The following DENND5B variants were observed in gnomAD, a reference collection of about 807,000 sequenced individuals.
DENND5B encodes DENN domain containing 5B.
Under a neutral mutation model 140.6 loss-of-function variants are expected in DENND5B, and 34 were observed. The observed-to-expected ratio is 0.24, with a 90% CI of 0.18 to 0.32. The LOEUF (loss-of-function observed/expected upper bound fraction) is 0.32, where lower values mean the gene tolerates loss of function less well. Among genes scored for constraint, DENND5B ranks in the 10% least tolerant of loss-of-function variants. The probability of loss-of-function intolerance (pLI) is 1.00; values close to 1 mark genes in which losing one functional copy is unlikely to be tolerated. For synonymous variants in DENND5B, 551 were observed against 562.1 expected (o/e 0.98, Z 0.28); for missense variants, 1,142 against 1,560.2 (o/e 0.73, Z 4.52).
At chr12:31,459,141 G>A (rs1002527366) in intron 4 of DENND5B, among the ~76,000 whole-genome samples, 4 of 151,902 alleles carry the variant, frequency 2.6e-5, no homozygotes, top group African/African-American at 9.7e-5. Context: ...AAACCCAGGA[G>A]GCGGTGAGCC....
intron 1 of DENND5B, among the ~76,000 whole-genome samples, chr12:31,517,010 AC>A (rs1454697344): frequency 8.2e-6 from 1 of 122,582 alleles, no homozygotes; most frequent in Middle Eastern, 4.4e-3. Flanking sequence ...GTGTGTAGAT[AC>A]CTTCCCTCCT....
At chr12:31,560,739 T>A (rs1332164259) in intron 1 of DENND5B, among the ~76,000 whole-genome samples, 1 of 152,154 alleles carries the variant, frequency 6.6e-6, no homozygotes, top group Non-Finnish European at 1.5e-5. Flanking sequence ...TATTCATTCC[T>A]CTTGTTCACT....
chr12:31,450,843 T>C (rs1944479934), intron 5 of DENND5B, among the ~76,000 whole-genome samples: 1 of 152,086 alleles, frequency 6.6e-6, no homozygotes, highest in South Asian at 2.1e-4. Flanking sequence ...AACTAAACTG[T>C]ACCCTGGTGA....
chr12:31,462,832 A>T (rs1307881572), intron 3 of DENND5B, among the ~76,000 whole-genome samples: 1 of 152,092 alleles, frequency 6.6e-6, no homozygotes, highest in Non-Finnish European at 1.5e-5. Flanking sequence ...GGTGGCAGGC[A>T]CCTGTAATCC....
intron 7 of DENND5B, among the ~76,000 whole-genome samples, 197 bp downstream of exon 7, chr12:31,442,575 TTTC>T (rs546204749): frequency 3.2e-4 from 49 of 152,274 alleles, no homozygotes; most frequent in South Asian, 2.1e-3. Flanking sequence ...CCTTTGTTTT[TTTC>T]TTTTTTTTTT....
At chr12:31,452,598 A>C (rs1476386660) in intron 4 of DENND5B, 122 bp from the exon 5 acceptor site, 1 of 1,060,314 alleles carries the variant, frequency 9.4e-7, no homozygotes, top group Non-Finnish European at 1.3e-6. Flanking sequence ...CCAAAGCAAA[A>C]GGATCGCTTG....
In DENND5B at chr12:31,547,543, C is replaced by T. The variant is rs570462950; in HGVS notation, c.127+43163G>A. ...CCTCCTGAGTAGCTGGAACTACAGA[C>T]ACATGCCACCAAGCTGGCTAATTTT... is the stretch of plus-strand genomic sequence containing the variant. On this transcript the variant is annotated intron_variant, in intron 1 of 20. Transcript: ENST00000389082. Among the ~76,000 whole-genome samples the T allele has an allele frequency of 1.7e-3, 254 of 152,094 alleles. 3 individuals carry two copies. Among genetic ancestry groups the T allele is most frequent in the African/African-American group, 5.9e-3 (245 of 41,474 alleles).
In DENND5B at chr12:31,387,342, T is replaced by C. The variant is rs929293168; in HGVS notation, c.*261A>G. The C allele has an allele frequency of 7.4e-5, 23 of 309,272 alleles. No individual in the cohort carries two copies. The East Asian group carries it at 1.2e-3, about 17-fold the overall frequency. 19.2% of individuals were successfully genotyped at this position (309,272 alleles called of 1,614,324 possible). On this transcript the variant is annotated 3_prime_UTR_variant, in exon 21 of 21. Transcript: ENST00000389082. Reference sequence around the variant, plus strand: ...GAATATTCAATCTAAGAAAAGCATCTTATTAGAGTAATATAATTTCTTAAA... The same window carrying C: ...GAATATTCAATCTAAGAAAAGCATCCTATTAGAGTAATATAATTTCTTAAA...
chr12:31,470,303 G>T (rs1341333878), intron 3 of DENND5B, among the ~76,000 whole-genome samples: 1 of 151,934 alleles, frequency 6.6e-6, no homozygotes, highest in Non-Finnish European at 1.5e-5. Context: ...TAGTAGAGAT[G>T]AGGTTTCTCC....
chr12:31,569,720 T>C (rs1949752648), intron 1 of DENND5B, among the ~76,000 whole-genome samples: 1 of 151,884 alleles, frequency 6.6e-6, no homozygotes, highest in Admixed American at 6.6e-5. Flanking sequence ...GCTGAGGCAG[T>C]AGGATAGCTT....
intron 5 of DENND5B, among the ~76,000 whole-genome samples, chr12:31,451,039 C>T (rs1790460595): frequency 6.6e-6 from 1 of 152,156 alleles, no homozygotes; most frequent in South Asian, 2.1e-4. Context: ...AGCCATAAAA[C>T]TTAATTTAGT....
At chr12:31,459,828 T>TA (rs1309776264) in intron 4 of DENND5B, among the ~76,000 whole-genome samples, 2 of 152,162 alleles carry the variant, frequency 1.3e-5, no homozygotes, top group Non-Finnish European at 2.9e-5. Flanking sequence ...ATTCAATTGA[T>TA]ACAATGATTT....
intron 1 of DENND5B, among the ~76,000 whole-genome samples, chr12:31,514,621 G>C: frequency 6.6e-6 from 1 of 151,654 alleles, no homozygotes; most frequent in Middle Eastern, 3.3e-3. Context: ...TTTGAGACCA[G>C]CCTGGCCAAC....
chr12:31,388,406 C>T (rs902963589), intron 20 of DENND5B, among the ~76,000 whole-genome samples: 2 of 152,022 alleles, frequency 1.3e-5, no homozygotes, highest in Non-Finnish European at 2.9e-5. Context: ...TTTAAAAGCA[C>T]AGCTAAAACT....
intron 1 of DENND5B, among the ~76,000 whole-genome samples, chr12:31,531,241 C>A (rs1389554077): frequency 6.6e-6 from 1 of 152,020 alleles, no homozygotes; most frequent in African/African-American, 2.4e-5. Flanking sequence ...GCTCTGTCAC[C>A]CAGGCTGGAG....
At chr12:31,414,893 G>T (rs1048333147) in intron 12 of DENND5B, among the ~76,000 whole-genome samples, 1 of 148,594 alleles carries the variant, frequency 6.7e-6, no homozygotes, top group Non-Finnish European at 1.5e-5. Flanking sequence ...CTGCACTCCA[G>T]CCTGGGCAAC....
chr12:31,509,726 A>G (rs1391627267), intron 1 of DENND5B, among the ~76,000 whole-genome samples: 2 of 152,168 alleles, frequency 1.3e-5, no homozygotes, highest in Non-Finnish European at 2.9e-5. Flanking sequence ...ATTATATAGT[A>G]TGTTGGAAGA....
At chr12:31,396,056 GTTTTTT>G (rs34089984) in intron 17 of DENND5B, among the ~76,000 whole-genome samples, 7 of 112,256 alleles carry the variant, frequency 6.2e-5, no homozygotes, top group Admixed American at 1.1e-4. Flanking sequence ...GGCATTCCTT[GTTTTTT>G]TTTTTTTTTT....
chr12:31,537,632 C>T (rs770211726), intron 1 of DENND5B, among the ~76,000 whole-genome samples: 3 of 152,018 alleles, frequency 2.0e-5, no homozygotes, highest in Non-Finnish European at 2.9e-5. Flanking sequence ...AATAACAACA[C>T]TGAATGTAAA....
Sources: allele counts gnomAD v4.1 joint callset (sites outside exome capture counted in the v4.1 genomes callset), GRCh38; gene constraint gnomAD v4.1.1; transcripts MANE v1.5; gene names NCBI Gene and HGNC (gene_info 2026-07-23, HGNC 2026-07-21).